Variants in AFG2A observed in about 807,000 individuals in gnomAD.
The protein encoded by AFG2A is ATPase family gene 2 protein homolog A.
chr4:123,100,279 T>C, the AFG2A span, among the ~76,000 whole-genome samples: 2 of 151,930 alleles, frequency 1.3e-5, no homozygotes, highest in Admixed American at 1.3e-4. Context: ...CAAGCAGCTG[T>C]TTGTCTCCCT....
the AFG2A span, among the ~76,000 whole-genome samples, chr4:123,311,602 G>A: frequency 7.8e-4 from 109 of 138,940 alleles, no homozygotes; most frequent in East Asian, 0.015. Flanking sequence ...ACTCCAGCCT[G>A]GTGACAGAAC....
chr4:123,122,152 A>G, the AFG2A span, among the ~76,000 whole-genome samples: 1 of 152,180 alleles, frequency 6.6e-6, no homozygotes, highest in Admixed American at 6.5e-5. Context: ...ATCTAGGATA[A>G]TATTTAGATA....
chr4:122,970,782 C>T, the AFG2A span, among the ~76,000 whole-genome samples: 1 of 151,916 alleles, frequency 6.6e-6, no homozygotes, highest in African/African-American at 2.4e-5. Context: ...AGACACATCT[C>T]TTAGAACGTA....
At chr4:123,215,141 G>A in the AFG2A span, among the ~76,000 whole-genome samples, 1 of 151,896 alleles carries the variant, frequency 6.6e-6, no homozygotes, top group Admixed American at 6.6e-5. Context: ...AATTAAAATT[G>A]AAAAAATTTT....
At chr4:123,289,367 TAGTATTCCA>T in the AFG2A span, among the ~76,000 whole-genome samples, 1 of 152,204 alleles carries the variant, frequency 6.6e-6, no homozygotes, top group Non-Finnish European at 1.5e-5. Flanking sequence ...TCTGGCTGGG[TAGTATTCCA>T]TGGTATATAT....
At chr4:123,136,110 T>C in the AFG2A span, among the ~76,000 whole-genome samples, 2 of 152,236 alleles carry the variant, frequency 1.3e-5, no homozygotes, top group Admixed American at 1.3e-4. Context: ...TTAATCATTC[T>C]AGTAAGAAAA....
chr4:123,224,549 T>G, the AFG2A span, among the ~76,000 whole-genome samples: 1 of 152,250 alleles, frequency 6.6e-6, no homozygotes. Flanking sequence ...CTCATCATTT[T>G]TTATGGCTAC....
chr4:123,052,927 G>C, the AFG2A span, among the ~76,000 whole-genome samples: 31 of 151,076 alleles, frequency 2.1e-4, no homozygotes, highest in Non-Finnish European at 4.1e-4. Context: ...GTGTAGGTCT[G>C]AGAGTCCAAA....
chr4:123,028,440 C>G, the AFG2A span: 5 of 1,526,042 alleles, frequency 3.3e-6, no homozygotes, highest in East Asian at 4.5e-5. Context: ...TTGGCCTCCC[C>G]CAACCCCCAT....
chr4:122,933,281 A>C, the AFG2A span, among the ~76,000 whole-genome samples: 1 of 152,244 alleles, frequency 6.6e-6, no homozygotes, highest in Non-Finnish European at 1.5e-5. Context: ...AAAAATGCCC[A>C]TCATTTCAAA....
At chr4:123,280,059 A>T in the AFG2A span, among the ~76,000 whole-genome samples, 1 of 152,150 alleles carries the variant, frequency 6.6e-6, no homozygotes, top group African/African-American at 2.4e-5. Context: ...ATATTTTCTT[A>T]TGAGGTTTAG....
the AFG2A span, among the ~76,000 whole-genome samples, chr4:122,990,268 T>G: frequency 1.3e-5 from 2 of 152,206 alleles, no homozygotes; most frequent in Non-Finnish European, 2.9e-5. Flanking sequence ...TTCAAGCTGA[T>G]ATTTCTGTGA....
the AFG2A span, among the ~76,000 whole-genome samples, chr4:123,165,616 T>C: frequency 6.6e-6 from 1 of 151,394 alleles, no homozygotes; most frequent in Non-Finnish European, 1.5e-5. Flanking sequence ...TTTAAAAATA[T>C]GGCTACTCAT....
the AFG2A span, among the ~76,000 whole-genome samples, chr4:123,074,095 A>ATTTTTTTTTTTTTTTTTTTT: frequency 9.8e-6 from 1 of 102,068 alleles, no homozygotes; most frequent in Non-Finnish European, 1.9e-5. Context: ...CTCAGATAGT[A>ATTTTTTTTTTTTTTTTTTTT]TTTTTTTTTT....
the AFG2A span, among the ~76,000 whole-genome samples, chr4:123,118,412 CTATG>C: frequency 5.6e-5 from 8 of 142,162 alleles, no homozygotes; most frequent in African/African-American, 2.2e-4. Context: ...ATGCAGGAAA[CTATG>C]TATACCCTTC....
chr4:123,061,306 C>T, the AFG2A span, among the ~76,000 whole-genome samples: 49 of 152,274 alleles, frequency 3.2e-4, no homozygotes, highest in African/African-American at 1.0e-3. Flanking sequence ...CCCACTCTAC[C>T]GTTACCAGTT....
At chr4:123,250,662 C>G in the AFG2A span, among the ~76,000 whole-genome samples, 1 of 152,242 alleles carries the variant, frequency 6.6e-6, no homozygotes, top group East Asian at 1.9e-4. Context: ...TAGAGACTTG[C>G]CCAAGGTCTT....
At chr4:123,233,858 C>T in the AFG2A span, among the ~76,000 whole-genome samples, 2 of 151,958 alleles carry the variant, frequency 1.3e-5, no homozygotes, top group African/African-American at 4.8e-5. Context: ...TAAGCCAGCC[C>T]AGGCACATCT....
At chr4:123,233,873 C>T in the AFG2A span, among the ~76,000 whole-genome samples, 1 of 152,012 alleles carries the variant, frequency 6.6e-6, no homozygotes, top group South Asian at 2.1e-4. Flanking sequence ...ACATCTTACT[C>T]AACAATTCAA....
Sources: allele counts gnomAD v4.1 joint callset (sites outside exome capture counted in the v4.1 genomes callset), GRCh38; gene constraint gnomAD v4.1.1; transcripts MANE v1.5; gene names NCBI Gene and HGNC (gene_info 2026-07-23, HGNC 2026-07-21).